The following CCDC178 variants were observed in gnomAD, a reference collection of about 807,000 sequenced individuals.
CCDC178 encodes coiled-coil domain containing 178.
CCDC178 carries 126 observed loss-of-function variants against 117.4 expected under a neutral mutation model. The observed-to-expected ratio is 1.07, with a 90% confidence interval of 0.93 to 1.24. The LOEUF (loss-of-function observed/expected upper bound fraction) is 1.24. Ranked by LOEUF, CCDC178 falls within the 50% of genes most tolerant of loss-of-function variation. The probability of loss-of-function intolerance (pLI) is 0.00; values close to 1 mark genes in which losing one functional copy is unlikely to be tolerated. For synonymous variants in CCDC178, 283 were observed against 313.4 expected (o/e 0.90, Z 1.02); for missense variants, 1,030 against 986.9 (o/e 1.04, Z -0.59).
At chr18:33,007,792 T>C (rs569315306) in intron 21 of CCDC178, among the ~76,000 whole-genome samples, 1 of 152,268 alleles carries the variant, frequency 6.6e-6, no homozygotes, top group South Asian at 2.1e-4. Context: ...GCTATAGGAC[T>C]ACACAGTTTT....
chr18:33,227,546 GTGTGTGTGTGTA>G (rs1304076175), intron 15 of CCDC178, among the ~76,000 whole-genome samples: 11 of 73,190 alleles, frequency 1.5e-4, no homozygotes, highest in East Asian at 5.1e-4. Flanking sequence ...GTGTGTGTGT[GTGTGTGTGTGTA>G]TATATATATA....
intron 21 of CCDC178, among the ~76,000 whole-genome samples, chr18:33,043,057 C>A (rs2056578062): frequency 6.6e-6 from 1 of 151,742 alleles, no homozygotes; most frequent in South Asian, 2.1e-4. Context: ...ACTTAATTTT[C>A]AAAACATAAA....
intron 2 of CCDC178, among the ~76,000 whole-genome samples, chr18:33,423,278 A>G (rs192526144): frequency 6.6e-6 from 1 of 152,190 alleles, no homozygotes; most frequent in Admixed American, 6.5e-5. Context: ...CAATGATTTC[A>G]GTATATTTTT....
chr18:33,040,026 G>T (rs1427499664), intron 21 of CCDC178, among the ~76,000 whole-genome samples: 1 of 151,792 alleles, frequency 6.6e-6, no homozygotes. Flanking sequence ...ATACACTTTT[G>T]GCAGAGGAAG....
At position 33,025,046 on chromosome 18, in the gene CCDC178, C is replaced by T. The variant is rs867272192; in HGVS notation, c.2389-50365G>A. 4.6e-5 allele frequency among the ~76,000 whole-genome samples: 7 copies of T among 152,064 alleles called. No homozygotes were observed. The South Asian group carries it at 6.2e-4, about 13-fold the overall frequency. On this transcript the variant is annotated intron_variant, in intron 21 of 22. Coordinates refer to ENST00000383096, the MANE Select transcript of CCDC178 (RefSeq NM_001105528.4). ...TTAACTGCAGACCAATACATCCTTA[C>T]GAATACAGATATAAAAATATTTAAC...
chr18:33,027,632 A>T (rs192649784), intron 21 of CCDC178, among the ~76,000 whole-genome samples: 2 of 151,734 alleles, frequency 1.3e-5, no homozygotes, highest in African/African-American at 4.8e-5. Flanking sequence ...GATTAACAAG[A>T]TATTTTATAT....
At chr18:32,998,092 G>A (rs149618126) in intron 21 of CCDC178, among the ~76,000 whole-genome samples, 52 of 152,334 alleles carry the variant, frequency 3.4e-4, no homozygotes, top group Non-Finnish European at 5.1e-4. Flanking sequence ...GAAAGACAGT[G>A]TTGAATCACT....
intron 20 of CCDC178, among the ~76,000 whole-genome samples, chr18:33,108,108 T>C (rs1224562328): frequency 6.6e-6 from 1 of 151,644 alleles, no homozygotes; most frequent in Non-Finnish European, 1.5e-5. Flanking sequence ...ACCATAGTGA[T>C]AAGTGTTTAT....
chr18:33,022,986 G>A (rs2144834597), intron 21 of CCDC178, among the ~76,000 whole-genome samples: 1 of 152,120 alleles, frequency 6.6e-6, no homozygotes, highest in East Asian at 1.9e-4. Flanking sequence ...AATCAGACAT[G>A]GAGGGACATT....
intron 22 of CCDC178, chr18:32,938,404 C>T (rs1182188819): frequency 4.8e-6 from 1 of 209,700 alleles, no homozygotes; most frequent in East Asian, 1.0e-4. Context: ...AGATTTTAGG[C>T]AAATTTGTCA....
At chr18:33,120,165 C>T (rs2057917434) in intron 20 of CCDC178, among the ~76,000 whole-genome samples, 1 of 151,472 alleles carries the variant, frequency 6.6e-6, no homozygotes, top group Admixed American at 6.6e-5. Flanking sequence ...GCACATGTAC[C>T]CTACAACTTA....
intron 20 of CCDC178, among the ~76,000 whole-genome samples, chr18:33,113,019 A>G (rs1022084583): frequency 1.3e-5 from 2 of 151,980 alleles, no homozygotes; most frequent in Non-Finnish European, 2.9e-5. Flanking sequence ...AAATAAGGTC[A>G]TGGTCTTTGA....
In CCDC178 at chr18:32,987,025, A is replaced by C. The variant is rs1252881937; in HGVS notation, c.2389-12344T>G. 2.0e-5 allele frequency among the ~76,000 whole-genome samples: 3 copies of C among 151,914 alleles called. No individual in the cohort carries two copies. In the East Asian group the frequency reaches 5.8e-4, roughly 29 times the overall value. On this transcript the variant is annotated intron_variant, in intron 21 of 22. Coordinates refer to ENST00000383096, the MANE Select transcript of CCDC178 (RefSeq NM_001105528.4). ...TTGGCCTTCAAGAAAAGGAGGAGAAAAAATAGAATAAGAAAAAATAAACAA... is the reference window on the plus strand; with the variant it reads ...TTGGCCTTCAAGAAAAGGAGGAGAACAAATAGAATAAGAAAAAATAAACAA...
At chr18:33,039,572 G>A (rs927753217) in intron 21 of CCDC178, among the ~76,000 whole-genome samples, 12 of 151,964 alleles carry the variant, frequency 7.9e-5, no homozygotes, top group African/African-American at 2.9e-4. Flanking sequence ...GCCCTCAGAG[G>A]AGAAGGCCTA....
chr18:33,141,496 CT>C (rs1253160145), intron 20 of CCDC178, among the ~76,000 whole-genome samples: 1 of 152,198 alleles, frequency 6.6e-6, no homozygotes, highest in Non-Finnish European at 1.5e-5. Context: ...TAAACAGAAA[CT>C]GAATTTCTGA....
chr18:33,145,604 C>A (rs924804662), intron 20 of CCDC178, among the ~76,000 whole-genome samples: 8 of 152,290 alleles, frequency 5.3e-5, no homozygotes, highest in Non-Finnish European at 8.8e-5. Context: ...GGCTCACACA[C>A]ATTTCTCAGC....
intron 5 of CCDC178, among the ~76,000 whole-genome samples, chr18:33,376,921 G>A (rs536972469): frequency 2.6e-4 from 39 of 152,280 alleles, no homozygotes; most frequent in African/African-American, 3.8e-4. Flanking sequence ...AAATGAGTGC[G>A]TTGTCTTTTT....
chr18:33,303,785 A>C (rs950101073), intron 11 of CCDC178, among the ~76,000 whole-genome samples: 4 of 152,198 alleles, frequency 2.6e-5, no homozygotes, highest in African/African-American at 9.6e-5. Flanking sequence ...AAGCATTACA[A>C]GTTCAAGGAT....
intron 3 of CCDC178, among the ~76,000 whole-genome samples, chr18:33,401,200 T>C (rs887882165): frequency 6.6e-6 from 1 of 152,222 alleles, no homozygotes; most frequent in African/African-American, 2.4e-5. Context: ...GAAAAAGTTT[T>C]TGAAATATTG....
Sources: gnomAD v4.1 joint callset for allele counts (sites outside exome capture counted in the v4.1 genomes callset) on GRCh38, gnomAD v4.1.1 for gene constraint, MANE v1.5 for transcripts, NCBI Gene and HGNC (gene_info 2026-07-23, HGNC 2026-07-21) for gene names.